The following COL6A6 variants were observed in gnomAD, a reference collection of about 807,000 sequenced individuals.
COL6A6 encodes collagen type VI alpha 6 chain, also known as collagen alpha-6(VI) chain.
In COL6A6, 183 loss-of-function variants were observed where a neutral mutation model predicts 208.6. The ratio of observed to expected loss-of-function variants is 0.88; its 90% confidence interval spans 0.78 to 0.99. COL6A6 has a LOEUF of 0.99. Ranked by LOEUF, COL6A6 falls within the 50% of genes least tolerant of loss-of-function variation. The pLI is 0.00. For synonymous variants in COL6A6, 973 were observed against 1,011.8 expected (o/e 0.96, Z 0.73); for missense variants, 2,816 against 2,815.2 (o/e 1.00, Z -0.01).
In COL6A6 at chr3:130,648,907, A is replaced by C. The variant is rs144449617; in HGVS notation, c.5240-162A>C. On this transcript the variant is annotated intron_variant, in intron 32 of 36. Coordinates refer to ENST00000358511, the MANE Select transcript of COL6A6 (RefSeq NM_001102608.3). ...AGACTCAGCTTTTGGAATAACATCT[A>C]TAATTATTCAAGATTTAAATATATT... 4.5e-4 allele frequency among the ~76,000 whole-genome samples: 68 copies of C among 152,332 alleles called. 1 individual carries two copies. In the East Asian group the frequency reaches 0.012, roughly 28 times the overall value.
At chr3:130,616,552 GAAAAAAA>G (rs35307177) in intron 23 of COL6A6, among the ~76,000 whole-genome samples, 6 of 120,800 alleles carry the variant, frequency 5.0e-5, no homozygotes, top group Non-Finnish European at 6.8e-5. Flanking sequence ...ATCAATGCCT[GAAAAAAA>G]AAAAAAAAAA....
At chr3:130,554,888 C>T (rs911797910) in intron 1 of COL6A6, among the ~76,000 whole-genome samples, 4 of 152,086 alleles carry the variant, frequency 2.6e-5, no homozygotes, top group African/African-American at 9.7e-5. Flanking sequence ...GGGTCAGGCA[C>T]AGTCGGCCAG....
In COL6A6 at chr3:130,593,218, G is replaced by T. The variant is rs1399582598; in HGVS notation, c.4436G>T (p.Gly1479Val). 1 of 1,613,166 alleles carries T rather than the reference G, an allele frequency of 6.2e-7. No individual in the cohort carries two copies. Among genetic ancestry groups the T allele is most frequent in the Non-Finnish European group, 8.5e-7 (1 of 1,179,212 alleles). Residue 1479 changes from glycine to valine, a missense_variant, in exon 17 of 37, where the codon GGA (glycine) becomes GTA (valine). Transcript: ENST00000358511. ...TTTTAGGGTGATAATGGTCTTCCTG[G>T]AAGAAAAGGAGAAAAGGGAGATGAG... is the stretch of plus-strand genomic sequence containing the variant. ...NGEQGDNGLP[G>V]RKGEKGDEGS...
At chr3:130,590,823 T>C (rs898950246) in intron 12 of COL6A6, among the ~76,000 whole-genome samples, 7 of 152,286 alleles carry the variant, frequency 4.6e-5, no homozygotes, top group African/African-American at 1.4e-4. Flanking sequence ...CGCCTGGGCC[T>C]CCCAAAGTGC....
rs765569965 is a variant in COL6A6, at chr3:130,665,010, C to A, written c.6510C>A (p.Ile2170=). ...KSFINSIRRA[I]NKYPPINLKI... ...CAGACTTTTCTCTTCTAGGTGCAAT[C>A]AACAAATATCCACCAATAAACTTAA... is the stretch of plus-strand genomic sequence containing the variant. Residue 2170 remains isoleucine, a synonymous_variant, in exon 36 of 37, where the codon ATC becomes ATA. Transcript: ENST00000358511. 3 of 1,595,650 alleles carry A rather than the reference C, an allele frequency of 1.9e-6. No homozygotes were observed. Among genetic ancestry groups the A allele is most frequent in the Non-Finnish European group, 2.6e-6 (3 of 1,168,448 alleles).
At chr3:130,634,939 A>G (rs1380332866) in intron 27 of COL6A6, among the ~76,000 whole-genome samples, 2 of 152,208 alleles carry the variant, frequency 1.3e-5, no homozygotes, top group African/African-American at 2.4e-5. Flanking sequence ...TACTGAAAGA[A>G]AAGTATAATG....
intron 7 of COL6A6, among the ~76,000 whole-genome samples, chr3:130,573,308 A>G (rs1202924881): frequency 6.6e-6 from 1 of 152,170 alleles, no homozygotes; most frequent in African/African-American, 2.4e-5. Flanking sequence ...GCTTTCTGGA[A>G]GAGCTGAGGC....
rs1385376623 is a variant in COL6A6 at position 130,646,705 on chromosome 3, G to A, written c.5239+1703G>A. 2.6e-5 allele frequency among the ~76,000 whole-genome samples: 4 copies of A among 152,368 alleles called. No homozygotes were observed. In the East Asian group the frequency reaches 7.7e-4, roughly 29 times the overall value. On this transcript the variant is annotated intron_variant, in intron 32 of 36. Coordinates refer to ENST00000358511, the MANE Select transcript of COL6A6 (RefSeq NM_001102608.3). ...GAGCCCAACAAGGTTGAGACATAGG[G>A]AGGGGGAGAGTAGTGCATAAAAACA...
At chr3:130,641,754 A>C in intron 29 of COL6A6, 40 bp downstream of exon 29, 1 of 1,258,634 alleles carries the variant, frequency 7.9e-7, no homozygotes, top group Non-Finnish European at 1.1e-6. Context: ...GTCCTTTTCC[A>C]TTAAAAAAAA....
intron 27 of COL6A6, among the ~76,000 whole-genome samples, chr3:130,635,235 C>CAA (rs529904388): frequency 7.5e-5 from 11 of 146,980 alleles, no homozygotes; most frequent in Admixed American, 5.4e-4. Flanking sequence ...ACTCTGTCTC[C>CAA]AAAAAAAAAT....
chr3:130,667,102 CAA>C (rs927654440), intron 36 of COL6A6, among the ~76,000 whole-genome samples: 3 of 151,878 alleles, frequency 2.0e-5, no homozygotes, highest in African/African-American at 7.3e-5. Context: ...TAGTTTACTA[CAA>C]AAAAGTCTTT....
chr3:130,570,940 G>A lies in COL6A6; in HGVS notation c.2524G>A (p.Gly842Ser). ...MIGLVKKADV[G>S]KNQVRFGALK... ...TGGCTTAGTGAAAAAAGCTGATGTG[G>A]GCAAGAATCAGGTCCGGTTTGGGGC... is the stretch of plus-strand genomic sequence containing the variant. The change falls in exon 7 of 37, where the codon GGC (glycine) becomes AGC (serine). Residue 842 changes from glycine (G) to serine (S), a missense_variant. Gly to Ser is a moderately conservative substitution (Grantham distance 56). Coordinates refer to ENST00000358511, the MANE Select transcript of COL6A6 (RefSeq NM_001102608.3). 6.2e-7 allele frequency: 1 copy of A among 1,613,984 alleles called. No individual in the cohort carries two copies.
intron 26 of COL6A6, among the ~76,000 whole-genome samples, chr3:130,634,362 T>G (rs2065046977): frequency 6.6e-6 from 1 of 152,128 alleles, no homozygotes; most frequent in Non-Finnish European, 1.5e-5. Flanking sequence ...ATGTATACTT[T>G]TAGCCACCTA....
chr3:130,648,586 T>C (rs892799125), intron 32 of COL6A6, among the ~76,000 whole-genome samples: 8 of 152,240 alleles, frequency 5.3e-5, no homozygotes, highest in African/African-American at 1.9e-4. Flanking sequence ...TGCGTCTCAT[T>C]CTTTGCTCTG....
chr3:130,644,702 C>CA (rs2065418823), intron 31 of COL6A6, among the ~76,000 whole-genome samples: 2 of 152,202 alleles, frequency 1.3e-5, no homozygotes, highest in African/African-American at 4.8e-5. Context: ...CACCTCCCTG[C>CA]AATGTCATTT....
intron 20 of COL6A6, among the ~76,000 whole-genome samples, chr3:130,603,834 A>C (rs2064098899): frequency 6.6e-6 from 1 of 152,060 alleles, no homozygotes; most frequent in Admixed American, 6.6e-5. Flanking sequence ...ATAATTCTCC[A>C]TCCTGATGGT....
At chr3:130,670,007 G>A (rs2066172578) in intron 36 of COL6A6, among the ~76,000 whole-genome samples, 2 of 152,350 alleles carry the variant, frequency 1.3e-5, no homozygotes, top group East Asian at 3.9e-4. Context: ...TCTGCATGGT[G>A]ATCAAGGCCA....
intron 23 of COL6A6, among the ~76,000 whole-genome samples, chr3:130,611,922 C>T (rs78313123): frequency 0.055 from 8,306 of 152,002 alleles, 420 homozygotes; most frequent in African/African-American, 0.12. Flanking sequence ...TATTTTTTTC[C>T]GATCCTTTCC....
intron 10 of COL6A6, among the ~76,000 whole-genome samples, chr3:130,584,902 C>T (rs1465207419): frequency 6.6e-6 from 1 of 152,140 alleles, no homozygotes; most frequent in Non-Finnish European, 1.5e-5. Context: ...GTGTGAGCCA[C>T]CGCACCCGGC....
Sources: allele counts gnomAD v4.1 joint callset (sites outside exome capture counted in the v4.1 genomes callset), GRCh38; gene constraint gnomAD v4.1.1; transcripts MANE v1.5; gene names NCBI Gene and HGNC (gene_info 2026-07-23, HGNC 2026-07-21).